The following GRIN2B variants were observed in gnomAD, a reference collection of about 807,000 sequenced individuals.
The protein encoded by GRIN2B is glutamate ionotropic receptor NMDA type subunit 2B.
Under a neutral mutation model 114.5 loss-of-function variants are expected in GRIN2B, and 5 were observed. The observed-to-expected ratio is 0.04, with a 90% confidence interval of 0.02 to 0.09. The LOEUF (loss-of-function observed/expected upper bound fraction) is 0.09, where lower values mean the gene tolerates loss of function less well. Ranked by LOEUF, GRIN2B falls within the 10% of genes least tolerant of loss-of-function variation. The pLI, the probability that GRIN2B is intolerant of heterozygous loss-of-function variation, is 1.00. For synonymous variants in GRIN2B, 787 were observed against 745.1 expected, an observed-to-expected ratio of 1.06 and a Z score of -0.92; for missense variants, 1,108 against 1,943.5, an observed-to-expected ratio of 0.57 and a Z score of 8.08.
intron 2 of GRIN2B, among the ~76,000 whole-genome samples, chr12:13,874,371 T>C (rs909007622): frequency 6.6e-6 from 1 of 152,216 alleles, no homozygotes; most frequent in African/African-American, 2.4e-5. Flanking sequence ...AGATAACTAA[T>C]AAAGGATTAT....
chr12:13,907,108 A>G (rs890518419), intron 2 of GRIN2B, among the ~76,000 whole-genome samples: 1 of 143,956 alleles, frequency 6.9e-6, no homozygotes, highest in East Asian at 2.2e-4. Flanking sequence ...TTCATTCTAA[A>G]TGTAAAGCAA....
intron 2 of GRIN2B, among the ~76,000 whole-genome samples, chr12:13,943,698 G>T (rs1867307314): frequency 6.6e-6 from 1 of 152,156 alleles, no homozygotes; most frequent in African/African-American, 2.4e-5. Context: ...TACCTCTTCA[G>T]TTCATTTATG....
At chr12:13,825,813 G>A (rs116952980) in intron 3 of GRIN2B, among the ~76,000 whole-genome samples, 7,642 of 151,852 alleles carry the variant, frequency 0.05, 258 homozygotes, top group Non-Finnish European at 0.075. Context: ...CACCGCACCC[G>A]GCCAATTAAT....
chr12:13,777,870 A>AT (rs1254296000), intron 3 of GRIN2B, among the ~76,000 whole-genome samples: 3 of 152,036 alleles, frequency 2.0e-5, no homozygotes, highest in Admixed American at 6.6e-5. Flanking sequence ...TCTCTCCTAA[A>AT]TTTTTTACAA....
At chr12:13,612,552 G>C (rs948699203) in intron 8 of GRIN2B, among the ~76,000 whole-genome samples, 3 of 152,214 alleles carry the variant, frequency 2.0e-5, no homozygotes, top group Non-Finnish European at 2.9e-5. Flanking sequence ...TGTCTAAGCT[G>C]TAATTCACAA....
At chr12:13,582,007 A>G (rs572118242) in intron 10 of GRIN2B, among the ~76,000 whole-genome samples, 2 of 152,266 alleles carry the variant, frequency 1.3e-5, no homozygotes, top group Admixed American at 6.5e-5. Context: ...TCTACTACTT[A>G]TTAACTGTGT....
intron 2 of GRIN2B, among the ~76,000 whole-genome samples, chr12:13,951,632 G>A (rs149027863): frequency 3.9e-5 from 6 of 152,214 alleles, no homozygotes; most frequent in Non-Finnish European, 7.4e-5. Context: ...GACACTTAGC[G>A]TCCATACCAC....
At chr12:13,789,098 A>G (rs542358763) in intron 3 of GRIN2B, among the ~76,000 whole-genome samples, 1 of 152,328 alleles carries the variant, frequency 6.6e-6, no homozygotes, top group Admixed American at 6.5e-5. Flanking sequence ...TACACACTTA[A>G]AAACCTCATT....
chr12:13,870,766 T>G (rs1406387508), intron 2 of GRIN2B, among the ~76,000 whole-genome samples: 1 of 152,200 alleles, frequency 6.6e-6, no homozygotes, highest in Non-Finnish European at 1.5e-5. Context: ...CAGAACTATG[T>G]ATCAGGTCCA....
At chr12:13,606,890 A>C (rs1220333187) in intron 10 of GRIN2B, among the ~76,000 whole-genome samples, 2 of 151,980 alleles carry the variant, frequency 1.3e-5, no homozygotes, top group African/African-American at 2.4e-5. Flanking sequence ...AAAGCTTCCA[A>C]ATAAGAGAGA....
intron 4 of GRIN2B, among the ~76,000 whole-genome samples, chr12:13,730,204 A>T (rs1239505893): frequency 1.3e-5 from 2 of 152,214 alleles, no homozygotes; most frequent in East Asian, 1.9e-4. Context: ...TTTATGTCTT[A>T]TAAAACTATA....
intron 10 of GRIN2B, among the ~76,000 whole-genome samples, chr12:13,608,193 A>G (rs1199438845): frequency 1.3e-5 from 2 of 152,202 alleles, no homozygotes; most frequent in Non-Finnish European, 2.9e-5. Context: ...GAGAGCCCAC[A>G]GCCAAACACC....
chr12:13,559,348 T>C lies in GRIN2B; in HGVS notation c.*3435A>G, dbSNP rs1177577530. 6.6e-6 allele frequency: 1 copy of C among 152,204 alleles called. No individual in the cohort carries two copies. Among genetic ancestry groups the C allele is most frequent in the Non-Finnish European group, 1.5e-5 (1 of 68,038 alleles). 9.4% of individuals were successfully genotyped at this position (152,204 alleles called of 1,614,324 possible). On this transcript the variant is annotated 3_prime_UTR_variant, in exon 14 of 14. Transcript: ENST00000609686. The stretch of plus-strand genomic sequence containing the variant: ...AGGATAGGAAAAAATGTAGTGAATA[T>C]ACTGGGTAAATGGATTTGGAAATTT...
intron 4 of GRIN2B, among the ~76,000 whole-genome samples, chr12:13,723,273 A>T (rs981465408): frequency 1.3e-5 from 2 of 151,924 alleles, no homozygotes; most frequent in African/African-American, 4.8e-5. Flanking sequence ...ATTTCTCCTA[A>T]TGCTATCCCT....
chr12:13,784,403 T>A (rs1192692180), intron 3 of GRIN2B, among the ~76,000 whole-genome samples: 1 of 151,982 alleles, frequency 6.6e-6, no homozygotes, highest in Non-Finnish European at 1.5e-5. Flanking sequence ...AATAGCTCAA[T>A]TTGAGGAGTC....
intron 5 of GRIN2B, among the ~76,000 whole-genome samples, chr12:13,638,980 A>T (rs1949688322): frequency 6.6e-6 from 1 of 152,130 alleles, no homozygotes; most frequent in Non-Finnish European, 1.5e-5. Flanking sequence ...AAGGAAATGA[A>T]AAATAGCATT....
intron 5 of GRIN2B, among the ~76,000 whole-genome samples, chr12:13,618,373 C>T (rs962142926): frequency 1.3e-5 from 2 of 152,152 alleles, no homozygotes; most frequent in Non-Finnish European, 2.9e-5. Flanking sequence ...TTGAGAAGCC[C>T]TAAAGTACTT....
At chr12:13,607,409 A>ATATATT (rs1949292483) in intron 10 of GRIN2B, among the ~76,000 whole-genome samples, 6 of 59,528 alleles carry the variant, frequency 1.0e-4, no homozygotes, top group African/African-American at 5.8e-4. Context: ...TAATATATAA[A>ATATATT]ATATATAATA....
chr12:13,644,689 T>C (rs1949747397), intron 5 of GRIN2B, among the ~76,000 whole-genome samples: 1 of 152,184 alleles, frequency 6.6e-6, no homozygotes, highest in Non-Finnish European at 1.5e-5. Flanking sequence ...AGCCACTTCA[T>C]CAATGATCTT....
Sources: allele counts gnomAD v4.1 joint callset (sites outside exome capture counted in the v4.1 genomes callset), GRCh38; gene constraint gnomAD v4.1.1; transcripts MANE v1.5; gene names NCBI Gene and HGNC (gene_info 2026-07-23, HGNC 2026-07-21).